Variants in MAPK10 observed in about 807,000 individuals in gnomAD.
MAPK10 encodes JNK3 alpha protein kinase.
In MAPK10, 25 loss-of-function variants were observed where a neutral mutation model predicts 59.3. The observed-to-expected ratio is 0.42, with a 90% CI of 0.31 to 0.59. The LOEUF (loss-of-function observed/expected upper bound fraction) is 0.59. Among genes scored for constraint, MAPK10 ranks in the 20% least tolerant of loss-of-function variants. The probability of loss-of-function intolerance (pLI) is 0.15; values close to 1 mark genes in which losing one functional copy is unlikely to be tolerated. For missense variants in MAPK10, 351 were observed against 568.9 expected, an observed-to-expected ratio of 0.62 and a Z score of 3.90; for synonymous variants, 190 against 200.5, an observed-to-expected ratio of 0.95 and a Z score of 0.44.
chr4:86,407,992 T>A (rs1180166932), intron 1 of MAPK10, among the ~76,000 whole-genome samples: 2 of 152,062 alleles, frequency 1.3e-5, no homozygotes, highest in African/African-American at 4.8e-5. Flanking sequence ...CCATGTTGGT[T>A]TGCTGCACCC....
At chr4:86,120,761 G>A (rs1404661698) in intron 4 of MAPK10, among the ~76,000 whole-genome samples, 1 of 152,046 alleles carries the variant, frequency 6.6e-6, no homozygotes, top group African/African-American at 2.4e-5. Flanking sequence ...AAGCTGCCAG[G>A]CTGCCAATTG....
At chr4:86,137,254 C>T (rs572561397) in intron 4 of MAPK10, among the ~76,000 whole-genome samples, 1 of 152,044 alleles carries the variant, frequency 6.6e-6, no homozygotes, top group South Asian at 2.1e-4. Context: ...CCACACCACA[C>T]CTACTCCAAA....
At chr4:86,206,135 G>A (rs1013897221) in intron 2 of MAPK10, among the ~76,000 whole-genome samples, 4 of 151,694 alleles carry the variant, frequency 2.6e-5, no homozygotes, top group Non-Finnish European at 4.4e-5. Context: ...ATGCTGCTGT[G>A]CTGCACCCAT....
chr4:86,395,170 G>A (rs527338650), intron 1 of MAPK10, among the ~76,000 whole-genome samples: 1 of 152,140 alleles, frequency 6.6e-6, no homozygotes, highest in African/African-American at 2.4e-5. Flanking sequence ...AGCAAAGGAT[G>A]TTACCTTTGT....
intron 1 of MAPK10, among the ~76,000 whole-genome samples, chr4:86,537,234 G>T (rs1758317473): frequency 6.6e-6 from 1 of 152,130 alleles, no homozygotes. Flanking sequence ...ATAAGTAAAA[G>T]TACTAACAAT....
chr4:86,346,225 T>A (rs1167324577), intron 2 of MAPK10, among the ~76,000 whole-genome samples: 2 of 152,100 alleles, frequency 1.3e-5, no homozygotes, highest in Non-Finnish European at 2.9e-5. Context: ...TATAAAGGTG[T>A]CACAAGCTAT....
chr4:86,289,391 A>C (rs2095145163), intron 2 of MAPK10, among the ~76,000 whole-genome samples: 1 of 152,106 alleles, frequency 6.6e-6, no homozygotes, highest in African/African-American at 2.4e-5. Flanking sequence ...TTTTATTTTT[A>C]AAAGACCATT....
chr4:86,045,110 C>T (rs1253290892), intron 11 of MAPK10, among the ~76,000 whole-genome samples: 1 of 151,938 alleles, frequency 6.6e-6, no homozygotes, highest in East Asian at 1.9e-4. Flanking sequence ...CATAATGCTC[C>T]AGTGGTTTGG....
intron 1 of MAPK10, among the ~76,000 whole-genome samples, chr4:86,517,383 CT>C (rs1194251791): frequency 6.9e-6 from 1 of 145,842 alleles, no homozygotes; most frequent in Non-Finnish European, 1.5e-5. Context: ...TCACGCCATT[CT>C]CCTGCCTCAG....
chr4:86,490,990 A>G (rs1754413686), intron 1 of MAPK10, among the ~76,000 whole-genome samples: 1 of 152,210 alleles, frequency 6.6e-6, no homozygotes, highest in African/African-American at 2.4e-5. Context: ...AAAACGTGCT[A>G]TCTAGCTAAA....
intron 13 of MAPK10, chr4:86,026,732 C>T (rs936069197): frequency 6.6e-6 from 1 of 151,982 alleles, no homozygotes; most frequent in Admixed American, 6.6e-5. Context: ...AAATATGCTA[C>T]GTGAACATTA....
At chr4:86,293,485 C>T (rs1447834567) in intron 2 of MAPK10, among the ~76,000 whole-genome samples, 1 of 152,146 alleles carries the variant, frequency 6.6e-6, no homozygotes, top group African/African-American at 2.4e-5. Context: ...GCTTATACCC[C>T]CTTGGCTTTC....
chr4:86,298,416 C>A (rs1328458033), intron 2 of MAPK10, among the ~76,000 whole-genome samples: 4 of 152,158 alleles, frequency 2.6e-5, no homozygotes, highest in Non-Finnish European at 5.9e-5. Context: ...CAAAGCTACT[C>A]TCATATTAAC....
chr4:86,130,668 T>C (rs28625279), intron 4 of MAPK10, among the ~76,000 whole-genome samples: 20,851 of 152,058 alleles, frequency 0.14, 1,548 homozygotes, highest in Admixed American at 0.16. Flanking sequence ...GTAAATGTGG[T>C]GGGAGCCAAG....
intron 7 of MAPK10, 78 bp downstream of exon 7, chr4:86,101,816 C>A: frequency 6.9e-7 from 1 of 1,454,836 alleles, no homozygotes; most frequent in Non-Finnish European, 9.5e-7. Flanking sequence ...ACCAATGCCC[C>A]CCGTATAAAG....
chr4:86,113,471 T>C (rs1382863100), intron 4 of MAPK10, among the ~76,000 whole-genome samples: 1 of 152,224 alleles, frequency 6.6e-6, no homozygotes, highest in Non-Finnish European at 1.5e-5. Context: ...CCTTCATTTA[T>C]GAAGATTAGT....
At chr4:86,563,299 T>G (rs1197281706) in intron 1 of MAPK10, among the ~76,000 whole-genome samples, 2 of 152,194 alleles carry the variant, frequency 1.3e-5, no homozygotes, top group East Asian at 1.9e-4. Flanking sequence ...CAGGAAACTT[T>G]TGATTGCCAA....
intron 2 of MAPK10, among the ~76,000 whole-genome samples, chr4:86,238,979 G>A (rs1457444318): frequency 6.6e-6 from 1 of 152,036 alleles, no homozygotes; most frequent in Non-Finnish European, 1.5e-5. Context: ...ATTGGCTATG[G>A]GTTTGTCATA....
At chr4:86,049,740 C>T (rs368526626) in intron 11 of MAPK10, among the ~76,000 whole-genome samples, 15 of 152,204 alleles carry the variant, frequency 9.9e-5, no homozygotes, top group South Asian at 8.3e-4. Context: ...CTCTGAATGT[C>T]ATTCTTTCTT....
Sources: allele counts gnomAD v4.1 joint callset (sites outside exome capture counted in the v4.1 genomes callset), GRCh38; gene constraint gnomAD v4.1.1; transcripts MANE v1.5; gene names NCBI Gene and HGNC (gene_info 2026-07-23, HGNC 2026-07-21).